Variants in KIF16B observed in about 807,000 individuals in gnomAD.
KIF16B encodes kinesin family member 16B, also known as kinesin-like protein KIF16B.
KIF16B carries 98 observed loss-of-function variants against 156.3 expected under a neutral mutation model. The ratio of observed to expected loss-of-function variants is 0.63; its 90% confidence interval spans 0.53 to 0.74. The LOEUF is 0.74. Among genes scored for constraint, KIF16B ranks in the 30% least tolerant of loss-of-function variants. The pLI is 0.00. For missense variants in KIF16B, 1,421 were observed against 1,606.5 expected (o/e 0.88, Z 1.97); for synonymous variants, 564 against 583.7 (o/e 0.97, Z 0.49).
chr20:16,537,520 T>G (rs1243787732), intron 1 of KIF16B, among the ~76,000 whole-genome samples: 1 of 152,012 alleles, frequency 6.6e-6, no homozygotes, highest in Admixed American at 6.6e-5. Flanking sequence ...GGCTGTTAAA[T>G]GTGATGAACT....
At chr20:16,516,050 A>G (rs1600598906) in intron 3 of KIF16B, among the ~76,000 whole-genome samples, 1 of 152,308 alleles carries the variant, frequency 6.6e-6, no homozygotes, top group East Asian at 1.9e-4. Flanking sequence ...GAAACAAAAT[A>G]CTCAAAACCT....
chr20:16,342,925 T>C (rs896141133), intron 23 of KIF16B, among the ~76,000 whole-genome samples: 1 of 152,146 alleles, frequency 6.6e-6, no homozygotes, highest in African/African-American at 2.4e-5. Flanking sequence ...GATCTGCTCA[T>C]GGGAAGCTTG....
chr20:16,314,341 T>C (rs755926668), intron 24 of KIF16B, among the ~76,000 whole-genome samples: 46 of 152,368 alleles, frequency 3.0e-4, no homozygotes, highest in South Asian at 1.0e-3. Context: ...GATGACTTTA[T>C]AGCCTGTCTT....
intron 17 of KIF16B, among the ~76,000 whole-genome samples, chr20:16,386,666 A>G (rs2065237821): frequency 6.6e-6 from 1 of 151,828 alleles, no homozygotes. Flanking sequence ...AAAAATGGGA[A>G]GAGGCTGGGA....
At chr20:16,433,893 T>C (rs1249576937) in intron 12 of KIF16B, among the ~76,000 whole-genome samples, 1 of 152,216 alleles carries the variant, frequency 6.6e-6, no homozygotes, top group Non-Finnish European at 1.5e-5. Flanking sequence ...TCTACTGTTA[T>C]ACATAATTTA....
chr20:16,474,195 C>A (rs541904097), intron 12 of KIF16B, among the ~76,000 whole-genome samples: 77 of 152,330 alleles, frequency 5.1e-4, no homozygotes, highest in African/African-American at 1.8e-3. Context: ...CTTGCTGTCA[C>A]CTTCCAAAAT....
intron 12 of KIF16B, among the ~76,000 whole-genome samples, chr20:16,440,140 G>A (rs116596913): frequency 6.6e-6 from 1 of 152,076 alleles, no homozygotes; most frequent in African/African-American, 2.4e-5. Flanking sequence ...CAAAGAATAG[G>A]TCCAAGCCAA....
chr20:16,500,525 T>G (rs1057161849), intron 10 of KIF16B, among the ~76,000 whole-genome samples: 4 of 152,210 alleles, frequency 2.6e-5, no homozygotes, highest in African/African-American at 9.6e-5. Context: ...GAGTTAAAAT[T>G]TTCTGTGACA....
intron 22 of KIF16B, chr20:16,369,083 G>A: frequency 2.0e-6 from 2 of 985,838 alleles, no homozygotes; most frequent in Non-Finnish European, 2.4e-6. Flanking sequence ...TCCCTCTGCT[G>A]GTGAGTTCTC....
At chr20:16,388,978 AG>A (rs1268148270) in intron 17 of KIF16B, among the ~76,000 whole-genome samples, 1 of 152,030 alleles carries the variant, frequency 6.6e-6, no homozygotes, top group Non-Finnish European at 1.5e-5. Flanking sequence ...GTAGATAGGG[AG>A]GGTAACGGAA....
At chr20:16,333,005 A>G (rs114364421) in intron 24 of KIF16B, among the ~76,000 whole-genome samples, 2,373 of 152,144 alleles carry the variant, frequency 0.016, 61 homozygotes, top group African/African-American at 0.052. Flanking sequence ...TATAAATAAA[A>G]CCACTTTGTT....
At chr20:16,565,818 C>A (rs763757834) in intron 1 of KIF16B, among the ~76,000 whole-genome samples, 1 of 152,222 alleles carries the variant, frequency 6.6e-6, no homozygotes, top group Non-Finnish European at 1.5e-5. Flanking sequence ...AGCATCACTG[C>A]CTTTGGGAAA....
Position 16,272,479 on chromosome 20 carries a change from C to T in KIF16B, c.*774G>A, listed in dbSNP as rs139367904. 1,272 of 152,668 alleles carry T rather than the reference C, an allele frequency of 8.3e-3. 6 individuals carry two copies. The highest frequency in any genetic ancestry group is 0.011 in the Non-Finnish European group (740 of 68,012). 9.5% of individuals were successfully genotyped at this position (152,668 alleles called of 1,614,324 possible). A position where few individuals can be genotyped will look rare whatever the true frequency, so the allele number is the denominator to read the frequency against. ...ACTTAAAAATATGCATTTAGCTTTG[C>T]GTTCATTTTGTGCTTAGCAGAAAAA... On this transcript the variant is annotated 3_prime_UTR_variant, in exon 26 of 26. Coordinates refer to ENST00000354981, the MANE Select transcript of KIF16B (RefSeq NM_024704.5).
At chr20:16,279,316 A>ACACCTCTTC (rs2063111246) in intron 25 of KIF16B, among the ~76,000 whole-genome samples, 1 of 152,138 alleles carries the variant, frequency 6.6e-6, no homozygotes, top group African/African-American at 2.4e-5. Flanking sequence ...CCTTTGGGGG[A>ACACCTCTTC]CACCTCTTCC....
At chr20:16,337,526 G>T (rs1023071933) in intron 23 of KIF16B, among the ~76,000 whole-genome samples, 1 of 152,122 alleles carries the variant, frequency 6.6e-6, no homozygotes, top group Non-Finnish European at 1.5e-5. Context: ...CCTTGAAAAA[G>T]ACATTTCCAT....
chr20:16,388,041 C>T (rs1343831901), intron 17 of KIF16B, among the ~76,000 whole-genome samples: 1 of 152,132 alleles, frequency 6.6e-6, no homozygotes, highest in Non-Finnish European at 1.5e-5. Flanking sequence ...TGACCAGTCT[C>T]TAAATAGGTA....
At chr20:16,410,176 T>TATATGTAGGTACATATAC (rs2146303616) in intron 15 of KIF16B, among the ~76,000 whole-genome samples, 1 of 144,914 alleles carries the variant, frequency 6.9e-6, no homozygotes, top group South Asian at 2.2e-4. Context: ...GGTACATATA[T>TATATGTAGGTACATATAC]ATATGTAGGT....
chr20:16,397,869 A>G (rs1431805905), intron 17 of KIF16B, among the ~76,000 whole-genome samples: 2 of 152,212 alleles, frequency 1.3e-5, no homozygotes, highest in African/African-American at 4.8e-5. Flanking sequence ...GACCTGTGAG[A>G]GGGCAGACGC....
chr20:16,506,806 A>G (rs888221305), intron 7 of KIF16B, among the ~76,000 whole-genome samples: 4 of 152,100 alleles, frequency 2.6e-5, no homozygotes, highest in Non-Finnish European at 5.9e-5. Context: ...TAGAAATGAG[A>G]GATGGTGGCC....
Sources: gnomAD v4.1 joint callset for allele counts (sites outside exome capture counted in the v4.1 genomes callset) on GRCh38, gnomAD v4.1.1 for gene constraint, MANE v1.5 for transcripts, NCBI Gene and HGNC (gene_info 2026-07-23, HGNC 2026-07-21) for gene names.